GPC5: variants seen among roughly 807,000 people sequenced by gnomAD.
GPC5 encodes glypican-5.
Under a neutral mutation model 53.9 loss-of-function variants are expected in GPC5, and 47 were observed. The ratio of observed to expected loss-of-function variants is 0.87; its 90% CI spans 0.69 to 1.11. The LOEUF (loss-of-function observed/expected upper bound fraction) is 1.11, where lower values mean the gene tolerates loss of function less well. Ranked by LOEUF, GPC5 falls within the 50% of genes most tolerant of loss-of-function variation. GPC5 has a pLI of 0.00. For synonymous variants in GPC5, 286 were observed against 263.3 expected (o/e 1.09, Z -0.84); for missense variants, 748 against 713.1 (o/e 1.05, Z -0.56).
At chr13:92,228,203 GA>G (rs11336127) in intron 7 of GPC5, among the ~76,000 whole-genome samples, 51,771 of 149,644 alleles carry the variant, frequency 0.35, 9,225 homozygotes, top group African/African-American at 0.44. Context: ...AACTTTTGTT[GA>G]AAAAAAAATC....
chr13:91,420,361 C>T (rs571381259), intron 1 of GPC5, among the ~76,000 whole-genome samples: 13 of 152,238 alleles, frequency 8.5e-5, no homozygotes, highest in Admixed American at 3.3e-4. Context: ...CTGTACTCCT[C>T]ATAGTTCCTG....
At position 92,642,265 on chromosome 13, in the gene GPC5, G is replaced by C. The variant is rs536640351; in HGVS notation, c.1562-224017G>C. Among the ~76,000 whole-genome samples, 4 of 151,572 alleles carry C rather than the reference G, an allele frequency of 2.6e-5. No individual in the cohort carries two copies. The South Asian group carries it at 8.3e-4, about 31-fold the overall frequency. ...GTGAAATTTTACTGAGTAGACTCTTGATCAGCAGGATAGCAGATGTCTCCC... is the reference window on the plus strand; with the variant it reads ...GTGAAATTTTACTGAGTAGACTCTTCATCAGCAGGATAGCAGATGTCTCCC... On this transcript the variant is annotated intron_variant, in intron 7 of 7. Coordinates refer to ENST00000377067, the MANE Select transcript of GPC5 (RefSeq NM_004466.6).
At chr13:92,799,884 C>T (rs1221638375) in intron 7 of GPC5, among the ~76,000 whole-genome samples, 1 of 151,346 alleles carries the variant, frequency 6.6e-6, no homozygotes, top group Non-Finnish European at 1.5e-5. Context: ...CACAAAAATA[C>T]AGATGAATCG....
chr13:92,161,956 CATATATATATATAT>C (rs55867004), intron 7 of GPC5, among the ~76,000 whole-genome samples: 1,605 of 96,022 alleles, frequency 0.017, 31 homozygotes, highest in Middle Eastern at 0.042. Context: ...AATATATAGC[CATATATATATATAT>C]ATATATATAT....
At chr13:92,543,561 C>G (rs1243436921) in intron 7 of GPC5, among the ~76,000 whole-genome samples, 4 of 151,904 alleles carry the variant, frequency 2.6e-5, no homozygotes, top group African/African-American at 9.7e-5. Context: ...ACAATGGCAC[C>G]ATTTTCCTAG....
intron 7 of GPC5, among the ~76,000 whole-genome samples, chr13:92,299,711 G>A (rs971448456): frequency 5.3e-5 from 8 of 152,174 alleles, no homozygotes; most frequent in Middle Eastern, 3.4e-3. Context: ...AAAAATTCTT[G>A]TAACCATGTG....
intron 7 of GPC5, among the ~76,000 whole-genome samples, chr13:92,408,667 A>G (rs954509807): frequency 3.3e-5 from 5 of 151,980 alleles, no homozygotes; most frequent in African/African-American, 1.2e-4. Context: ...TAATACATAT[A>G]TGTATATGTA....
At chr13:92,442,999 T>A (rs1877639244) in intron 7 of GPC5, among the ~76,000 whole-genome samples, 3 of 152,144 alleles carry the variant, frequency 2.0e-5, no homozygotes, top group Admixed American at 2.0e-4. Flanking sequence ...TACCGGAGGC[T>A]GGGTAATTTA....
chr13:92,105,866 T>C (rs554512243), intron 6 of GPC5, among the ~76,000 whole-genome samples: 9 of 152,158 alleles, frequency 5.9e-5, no homozygotes, highest in South Asian at 2.1e-4. Context: ...CAGAAAAATC[T>C]TTTTCGGGCT....
At chr13:92,027,323 A>C (rs949622371) in intron 6 of GPC5, among the ~76,000 whole-genome samples, 25 of 152,282 alleles carry the variant, frequency 1.6e-4, no homozygotes, top group African/African-American at 6.0e-4. Flanking sequence ...AACATTGTTG[A>C]TAGGTTCTTG....
chr13:91,912,817 A>G (rs1015739600), intron 6 of GPC5, among the ~76,000 whole-genome samples: 1 of 152,202 alleles, frequency 6.6e-6, no homozygotes. Flanking sequence ...CTTGTAATAC[A>G]TTCTACATGT....
intron 5 of GPC5, among the ~76,000 whole-genome samples, chr13:91,807,191 G>C (rs2038235778): frequency 6.6e-6 from 1 of 152,192 alleles, no homozygotes; most frequent in Non-Finnish European, 1.5e-5. Flanking sequence ...GATTTGGCTA[G>C]TAAGTTGTGA....
chr13:91,998,500 C>T (rs2040525473), intron 6 of GPC5, among the ~76,000 whole-genome samples: 2 of 152,110 alleles, frequency 1.3e-5, no homozygotes, highest in South Asian at 4.1e-4. Context: ...TAAACATGAC[C>T]TAATCTCCTA....
intron 7 of GPC5, among the ~76,000 whole-genome samples, chr13:92,360,350 C>T (rs2043555659): frequency 6.6e-6 from 1 of 151,548 alleles, no homozygotes; most frequent in Admixed American, 6.6e-5. Context: ...GTGAATCCAT[C>T]CCATAAACAG....
chr13:91,524,977 T>C (rs1886016529), intron 2 of GPC5, among the ~76,000 whole-genome samples: 1 of 152,220 alleles, frequency 6.6e-6, no homozygotes, highest in Non-Finnish European at 1.5e-5. Flanking sequence ...ACTGTTGCTG[T>C]CAAGTTAAAG....
chr13:92,167,388 A>G (rs2042039361), intron 7 of GPC5, among the ~76,000 whole-genome samples: 1 of 152,234 alleles, frequency 6.6e-6, no homozygotes, highest in Non-Finnish European at 1.5e-5. Context: ...TGCAAATGAT[A>G]TAAAACTTCA....
chr13:92,755,466 A>AAAT (rs1874819664), intron 7 of GPC5, among the ~76,000 whole-genome samples: 1 of 151,818 alleles, frequency 6.6e-6, no homozygotes, highest in Admixed American at 6.6e-5. Flanking sequence ...AGAAGGCAAG[A>AAAT]AATAACTAAA....
At chr13:92,780,904 T>G (rs181050801) in intron 7 of GPC5, among the ~76,000 whole-genome samples, 8 of 152,220 alleles carry the variant, frequency 5.3e-5, no homozygotes, top group Admixed American at 3.9e-4. Flanking sequence ...TATCTTGATA[T>G]TCACATTTTT....
intron 5 of GPC5, among the ~76,000 whole-genome samples, chr13:91,786,161 T>C (rs1238426273): frequency 1.3e-5 from 2 of 151,998 alleles, no homozygotes; most frequent in Admixed American, 1.3e-4. Context: ...CACGCCTGGC[T>C]AATTTTTGTA....
Sources: gnomAD v4.1 joint callset for allele counts (sites outside exome capture counted in the v4.1 genomes callset) on GRCh38, gnomAD v4.1.1 for gene constraint, MANE v1.5 for transcripts, NCBI Gene and HGNC (gene_info 2026-07-23, HGNC 2026-07-21) for gene names.